The following HDHD5 variants were observed in gnomAD, a reference collection of about 807,000 sequenced individuals.
HDHD5 encodes haloacid dehalogenase like hydrolase domain containing 5.
Under a neutral mutation model 35.5 loss-of-function variants are expected in HDHD5, and 34 were observed. The observed-to-expected ratio is 0.96, with a 90% CI of 0.73 to 1.28. The LOEUF is 1.28. HDHD5 is among the 50% of genes most tolerant of loss of function. The probability of loss-of-function intolerance (pLI) is 0.00; values close to 1 mark genes in which losing one functional copy is unlikely to be tolerated. For synonymous variants in HDHD5, 248 were observed against 240.6 expected, an observed-to-expected ratio of 1.03 and a Z score of -0.29; for missense variants, 589 against 560.2, an observed-to-expected ratio of 1.05 and a Z score of -0.52.
chr22:17,161,115 A>G (rs1404441951), upstream of HDHD5, among the ~76,000 whole-genome samples: 1 of 151,436 alleles, frequency 6.6e-6, no homozygotes, highest in East Asian at 1.9e-4. Flanking sequence ...TTAGCTCGTC[A>G]TGCACCTGTA....
At chr22:17,159,286 G>GGCCCCC, upstream of HDHD5, 1 of 1,039,828 alleles carries the variant, frequency 9.6e-7, no homozygotes, top group Non-Finnish European at 1.2e-6. Context: ...ACGGCGTGCG[G>GGCCCCC]CCCCCCCCCC....
chr22:17,152,461 G>A (rs2061737939), intron 1 of HDHD5, among the ~76,000 whole-genome samples: 1 of 152,146 alleles, frequency 6.6e-6, no homozygotes, highest in African/African-American at 2.4e-5. Flanking sequence ...GGACTCCCAT[G>A]CTTTTTTATT....
At chr22:17,144,176 G>A (rs1406423029) in intron 4 of HDHD5, among the ~76,000 whole-genome samples, 2 of 152,248 alleles carry the variant, frequency 1.3e-5, no homozygotes, top group African/African-American at 4.8e-5. Context: ...ACGGGATGCT[G>A]TGGCTCTGAA....
intron 1 of HDHD5, 100 bp downstream of exon 1, chr22:17,159,026 G>T: frequency 9.4e-7 from 1 of 1,063,572 alleles, no homozygotes; most frequent in Non-Finnish European, 1.2e-6. Context: ...TTCCCAGGAG[G>T]CTGGGATACC....
chr22:17,145,633 AG>A (rs2061654046), intron 3 of HDHD5, among the ~76,000 whole-genome samples: 1 of 152,148 alleles, frequency 6.6e-6, no homozygotes, highest in African/African-American at 2.4e-5. Flanking sequence ...TCAAGGCTAC[AG>A]TGAGCTATGA....
At position 17,141,081 on chromosome 22, in the gene HDHD5, T is replaced by C. The variant is rs1455321333; in HGVS notation, c.724A>G (p.Met242Val). 1 of 1,590,798 alleles carries C rather than the reference T, an allele frequency of 6.3e-7. No homozygotes were observed. Among genetic ancestry groups the C allele is most frequent in the East Asian group, 2.4e-5 (1 of 41,980 alleles). ...VLASNMDLLWMAEAKMPRFGH... is the reference protein window; with the variant it reads ...VLASNMDLLWVAEAKMPRFGH... ...CACCTGGGCATCTTGGCTTCAGCCA[T>C]CCACAGGAGATCCATGTTGCTGGCT... Residue 242 changes from methionine (M) to valine (V), a missense_variant, in exon 6 of 8, where the codon ATG becomes GTG. Physicochemically the swap from Met to Val is conservative, Grantham distance 21. Coordinates refer to ENST00000336737, the MANE Select transcript of HDHD5 (RefSeq NM_033070.3).
rs138743289 is a variant in HDHD5, at chr22:17,140,681, T to C, written c.746+378A>G. 9.0e-3 allele frequency among the ~76,000 whole-genome samples: 1,369 copies of C among 152,154 alleles called. 17 individuals are homozygous for C. Among genetic ancestry groups the C allele is most frequent in the African/African-American group, 0.031 (1,285 of 41,502 alleles). On this transcript the variant is annotated intron_variant, in intron 6 of 7. Transcript: ENST00000336737. ...GGAAACCAGAAAGTCAAAGAACCAATGCTACAGGATGGAGCCAAGGAAGGA... is the reference window on the plus strand; with the variant it reads ...GGAAACCAGAAAGTCAAAGAACCAACGCTACAGGATGGAGCCAAGGAAGGA...
At chr22:17,154,822 G>A (rs2061768202) in intron 1 of HDHD5, among the ~76,000 whole-genome samples, 1 of 151,282 alleles carries the variant, frequency 6.6e-6, no homozygotes, top group Non-Finnish European at 1.5e-5. Context: ...GTAGAGACAG[G>A]GTCTCCCTAT....
At chr22:17,143,322 C>T in intron 4 of HDHD5, 191 bp from the exon 5 acceptor site, 2 of 538,382 alleles carry the variant, frequency 3.7e-6, no homozygotes, top group South Asian at 5.4e-5. Flanking sequence ...AAGACAATGG[C>T]CAGGTGGGGC....
At chr22:17,157,225 A>C (rs2061807448) in intron 1 of HDHD5, among the ~76,000 whole-genome samples, 1 of 152,126 alleles carries the variant, frequency 6.6e-6, no homozygotes, top group Admixed American at 6.6e-5. Context: ...AAATTTTAAA[A>C]ATTAAAAACT....
Position 17,141,664 on chromosome 22 carries a change from C to T in HDHD5, c.572-431G>A, listed in dbSNP as rs1426782873. The T allele has an allele frequency of 4.0e-6, 4 of 991,490 alleles. No individual in the cohort carries two copies. In the Admixed American group the frequency reaches 1.8e-4, roughly 45 times the overall value. 61.4% of individuals were successfully genotyped at this position (991,490 alleles called of 1,614,324 possible). On this transcript the variant is annotated intron_variant, in intron 5 of 7. Transcript: ENST00000336737. ...GACAGGGGGTGTGGAGTGATAGAGA[C>T]TTGAAACCCAACCTGGACTCCACCG... is the stretch of plus-strand genomic sequence containing the variant.
At chr22:17,159,571 C>T (rs1285760360), upstream of HDHD5, 1 of 433,280 alleles carries the variant, frequency 2.3e-6, no homozygotes, top group East Asian at 8.9e-5. Flanking sequence ...CGCGGCAGGC[C>T]CCAGGCCGGC....
intron 1 of HDHD5, among the ~76,000 whole-genome samples, chr22:17,152,778 C>T (rs1191720875): frequency 1.3e-5 from 2 of 152,050 alleles, no homozygotes; most frequent in African/African-American, 4.8e-5. Flanking sequence ...AGGTATGTCT[C>T]GGGTCCAGTA....
upstream of HDHD5, among the ~76,000 whole-genome samples, chr22:17,163,246 T>C (rs2061874354): frequency 1.3e-5 from 2 of 152,216 alleles, no homozygotes; most frequent in Non-Finnish European, 2.9e-5. Context: ...GATTACACTA[T>C]ATTTGGAATT....
At chr22:17,164,222 GAAAAAAA>G (rs60212114), upstream of HDHD5, among the ~76,000 whole-genome samples, 200 of 111,912 alleles carry the variant, frequency 1.8e-3, no homozygotes, top group East Asian at 0.016. Flanking sequence ...CTCCATCTCA[GAAAAAAA>G]AAAAAAAAAA....
rs1055453439 is a variant in HDHD5, at chr22:17,145,109, A to G, written c.452T>C (p.Phe151Ser). Reference protein sequence around the residue: ...PVMENAQGLGFRNVVTVDELR... With the variant: ...PVMENAQGLGSRNVVTVDELR... ...CTCATCCACGGTGACGACATTTCGG[A>G]AGCCCAGTCTGGAGCAAGCTCAGGA... The change falls in exon 4 of 8, where the codon TTC becomes TCC. Residue 151 changes from phenylalanine to serine, a missense_variant. Coordinates refer to ENST00000336737, the MANE Select transcript of HDHD5 (RefSeq NM_033070.3). The G allele has an allele frequency of 3.7e-6, 6 of 1,613,952 alleles. No homozygotes were observed. Among genetic ancestry groups the G allele is most frequent in the Non-Finnish European group, 5.1e-6 (6 of 1,180,018 alleles).
chr22:17,144,994 A>C (rs2061644694), intron 4 of HDHD5, 30 bp downstream of exon 4: 1 of 1,612,736 alleles, frequency 6.2e-7, no homozygotes, highest in Non-Finnish European at 8.5e-7. Context: ...TGAAGGATGA[A>C]GACACAGCCC....
In HDHD5 at chr22:17,138,323, G is replaced by T. The variant is rs1296132213; in HGVS notation, c.970C>A (p.Leu324Met). Residue 324 changes from leucine to methionine, a missense_variant, in exon 8 of 8, where the codon CTG (leucine) becomes ATG (methionine). By Grantham distance (15) the Leu-to-Met change is conservative. Coordinates refer to ENST00000336737, the MANE Select transcript of HDHD5 (RefSeq NM_033070.3). ...GCCTTCTGCAGGTACTGGTGGAACAGGTTGGCGCCGTATACGTCAGACATA... is the reference window on the plus strand; with the variant it reads ...GCCTTCTGCAGGTACTGGTGGAACATGTTGGCGCCGTATACGTCAGACATA... ...NPMSDVYGAN[L>M]FHQYLQKATH... The T allele has an allele frequency of 1.2e-6, 2 of 1,614,128 alleles. No individual in the cohort carries two copies. Among genetic ancestry groups the T allele is most frequent in the Non-Finnish European group, 1.7e-6 (2 of 1,180,032 alleles).
chr22:17,139,510 A>T (rs1157659608), intron 6 of HDHD5, among the ~76,000 whole-genome samples: 2 of 150,644 alleles, frequency 1.3e-5, no homozygotes, highest in Non-Finnish European at 3.0e-5. Flanking sequence ...CCTGGGCAAA[A>T]GAGCAAGACT....
Sources: gnomAD v4.1 joint callset for allele counts (sites outside exome capture counted in the v4.1 genomes callset) on GRCh38, gnomAD v4.1.1 for gene constraint, MANE v1.5 for transcripts, NCBI Gene and HGNC (gene_info 2026-07-23, HGNC 2026-07-21) for gene names.